Variants in SAXO1 observed in about 807,000 individuals in gnomAD.
SAXO1 encodes 4930500O09Rik.
SAXO1 carries 21 observed loss-of-function variants against 17.5 expected under a neutral mutation model. The ratio of observed to expected loss-of-function variants is 1.20; its 90% CI spans 0.85 to 1.72. The LOEUF (loss-of-function observed/expected upper bound fraction) is 1.72. Among genes scored for constraint, SAXO1 ranks in the 40% most tolerant of loss-of-function variants. SAXO1 has a pLI of 0.00. For missense variants in SAXO1, 843 were observed against 596.0 expected (o/e 1.41, Z -4.32); for synonymous variants, 274 against 216.5 (o/e 1.27, Z -2.33).
chr9:18,980,927 G>C (rs1446342581), intron 1 of SAXO1, among the ~76,000 whole-genome samples: 3 of 152,018 alleles, frequency 2.0e-5, no homozygotes, highest in African/African-American at 7.3e-5. Context: ...ACATTGTCGG[G>C]AGATTTTCAC....
At chr9:19,027,599 C>G (rs576330741) in intron 1 of SAXO1, 6 of 1,430,268 alleles carry the variant, frequency 4.2e-6, no homozygotes, top group East Asian at 2.3e-5. Flanking sequence ...TGGCCCCCAG[C>G]TGGTGCAGAT....
intron 1 of SAXO1, among the ~76,000 whole-genome samples, chr9:18,961,799 C>G (rs1439071125): frequency 6.6e-6 from 1 of 152,126 alleles, no homozygotes; most frequent in African/African-American, 2.4e-5. Flanking sequence ...AATAAACATA[C>G]GTGTGCATGT....
intron 1 of SAXO1, among the ~76,000 whole-genome samples, chr9:19,023,911 G>A (rs1185618682): frequency 6.6e-6 from 1 of 151,518 alleles, no homozygotes; most frequent in East Asian, 1.9e-4. Context: ...GTCCGAGGTG[G>A]GAAGATTGCT....
At chr9:18,944,502 G>C (rs1445873438) in intron 2 of SAXO1, among the ~76,000 whole-genome samples, 1 of 152,156 alleles carries the variant, frequency 6.6e-6, no homozygotes, top group East Asian at 1.9e-4. Flanking sequence ...TAAGAACACT[G>C]GATCTCCCCT....
rs145770422 is a variant in SAXO1 at position 19,012,009 on chromosome 9, C to A, written c.38+20862G>T. Among the ~76,000 whole-genome samples, 1,214 of 152,134 alleles carry A rather than the reference C, an allele frequency of 8.0e-3. 16 individuals carry two copies. The highest frequency in any genetic ancestry group is 0.028 in the African/African-American group (1,153 of 41,494). ...TACAGGCGCAGGTCACCATGCCCGG[C>A]CAATTTTTGTATTTTTAGTAGAGAC... On this transcript the variant is annotated intron_variant, in intron 1 of 3. Coordinates refer to ENST00000380534, the MANE Select transcript of SAXO1 (RefSeq NM_153707.4).
At chr9:18,984,554 A>G (rs544886947) in intron 1 of SAXO1, among the ~76,000 whole-genome samples, 1 of 152,360 alleles carries the variant, frequency 6.6e-6, no homozygotes, top group Non-Finnish European at 1.5e-5. Flanking sequence ...TGTTGTAAAG[A>G]AGGCTTCTTT....
chr9:19,031,622 A>T (rs1835777924), intron 1 of SAXO1, among the ~76,000 whole-genome samples: 1 of 152,236 alleles, frequency 6.6e-6, no homozygotes, highest in Non-Finnish European at 1.5e-5. Context: ...ATGTAGTCCT[A>T]GACTATACAC....
intron 1 of SAXO1, among the ~76,000 whole-genome samples, chr9:18,968,317 T>G (rs112783042): frequency 0.021 from 3,122 of 152,228 alleles, 102 homozygotes; most frequent in African/African-American, 0.071. Context: ...AGCACTGGGA[T>G]TACAGATGTG....
intron 1 of SAXO1, among the ~76,000 whole-genome samples, chr9:18,957,788 C>G (rs1351495714): frequency 6.6e-6 from 1 of 152,144 alleles, no homozygotes; most frequent in Admixed American, 6.5e-5. Context: ...TCTTAACAAC[C>G]CCCACAACCC....
At chr9:19,039,121 C>T (rs995465470) in intron 1 of SAXO1, among the ~76,000 whole-genome samples, 2 of 150,346 alleles carry the variant, frequency 1.3e-5, no homozygotes, top group African/African-American at 4.9e-5. Flanking sequence ...GGCAACAGAG[C>T]AAGACCCTGC....
intron 1 of SAXO1, among the ~76,000 whole-genome samples, chr9:18,982,231 T>C (rs932386844): frequency 1.7e-4 from 26 of 152,190 alleles, no homozygotes; most frequent in African/African-American, 5.5e-4. Context: ...CTAGAGATAA[T>C]GCAAACCCAT....
chr9:19,032,978 C>CA lies in SAXO1; in HGVS notation c.-71dup, dbSNP rs1835833564. On this transcript the variant is annotated 5_prime_UTR_variant, in exon 1 of 4. Transcript: ENST00000380534. The stretch of plus-strand genomic sequence containing the variant: ...CTGCAGCCGACTCCTAGACCCCAAC[C>CA]ACCTGTCTTGGGGCACGCCCAGGCT... 4.6e-6 allele frequency: 7 copies of CA among 1,517,600 alleles called. No homozygotes were observed. The highest frequency in any genetic ancestry group is 6.2e-6 in the Non-Finnish European group (7 of 1,121,292). 94.0% of individuals were successfully genotyped at this position (1,517,600 alleles called of 1,614,324 possible). A position where few individuals can be genotyped will look rare whatever the true frequency, so the allele number is the denominator to read the frequency against.
At position 19,001,998 on chromosome 9, in the gene SAXO1, GC is replaced by G. The variant is rs574969972; in HGVS notation, c.38+30872del. On this transcript the variant is annotated intron_variant, in intron 1 of 3. Transcript: ENST00000380534. Reference sequence around the variant, plus strand: ...GATCAACAAAACAGATAGCCCACTAGCCAGACTAATAAAGAAGAAAAGAGAG... The same window carrying G: ...GATCAACAAAACAGATAGCCCACTAGCAGACTAATAAAGAAGAAAAGAGAG... Among the ~76,000 whole-genome samples, 458 of 152,206 alleles carry G rather than the reference GC, an allele frequency of 3.0e-3. 8 individuals carry two copies. The South Asian group carries it at 0.044, about 15-fold the overall frequency.
intron 1 of SAXO1, among the ~76,000 whole-genome samples, chr9:18,979,603 T>G (rs754217952): frequency 9.2e-5 from 14 of 152,228 alleles, no homozygotes; most frequent in Non-Finnish European, 1.6e-4. Flanking sequence ...GACTTCAGAC[T>G]CTGGATTGGG....
intron 2 of SAXO1, among the ~76,000 whole-genome samples, chr9:18,945,632 C>G (rs145317928): frequency 7.2e-5 from 11 of 152,268 alleles, no homozygotes; most frequent in African/African-American, 2.6e-4. Flanking sequence ...TTCACTATAA[C>G]AGATGGGATT....
In SAXO1 at chr9:18,927,929, T is replaced by C. The variant is rs1373469680; in HGVS notation, c.*123A>G. The C allele has an allele frequency of 9.6e-7, 1 of 1,042,736 alleles. No homozygotes were observed. Among genetic ancestry groups the C allele is most frequent in the Non-Finnish European group, 1.4e-6 (1 of 727,788 alleles). 64.6% of individuals were successfully genotyped at this position (1,042,736 alleles called of 1,614,324 possible). The stretch of plus-strand genomic sequence containing the variant: ...TCATTTTATTCAAGTGCTCTGGAAG[T>C]GGTGAAGGTTTTTTGTTTTTTGTTT... On this transcript the variant is annotated 3_prime_UTR_variant, in exon 4 of 4. Coordinates refer to ENST00000380534, the MANE Select transcript of SAXO1 (RefSeq NM_153707.4).
At chr9:19,041,903 A>AC (rs1228319869) in intron 1 of SAXO1, among the ~76,000 whole-genome samples, 2 of 152,174 alleles carry the variant, frequency 1.3e-5, no homozygotes, top group Non-Finnish European at 2.9e-5. Flanking sequence ...CTTGAGTAAT[A>AC]CCCCACAAGC....
intron 1 of SAXO1, among the ~76,000 whole-genome samples, chr9:19,022,476 T>G (rs1294845229): frequency 6.6e-6 from 1 of 152,190 alleles, no homozygotes; most frequent in Admixed American, 6.5e-5. Flanking sequence ...GGTATTCAAT[T>G]GACTCTGCTC....
At chr9:19,009,099 C>G (rs1309417250) in intron 1 of SAXO1, among the ~76,000 whole-genome samples, 2 of 152,264 alleles carry the variant, frequency 1.3e-5, no homozygotes, top group Middle Eastern at 3.4e-3. Context: ...ACAGCAACAG[C>G]AGACAGAATT....
Sources: allele counts gnomAD v4.1 joint callset (sites outside exome capture counted in the v4.1 genomes callset), GRCh38; gene constraint gnomAD v4.1.1; transcripts MANE v1.5; gene names NCBI Gene and HGNC (gene_info 2026-07-23, HGNC 2026-07-21).